Variants in MSRB3 observed in about 807,000 individuals in gnomAD.
MSRB3 encodes the protein methionine sulfoxide reductase B3.
MSRB3 carries 13 observed loss-of-function variants against 21.0 expected under a neutral mutation model. The observed-to-expected ratio is 0.62, with a 90% CI of 0.40 to 0.98. The LOEUF is 0.98. Ranked by LOEUF, MSRB3 falls within the 50% of genes least tolerant of loss-of-function variation. The pLI is 0.00. For synonymous variants in MSRB3, 87 were observed against 88.6 expected, an observed-to-expected ratio of 0.98 and a Z score of 0.10; for missense variants, 199 against 230.3, an observed-to-expected ratio of 0.86 and a Z score of 0.88.
intron 5 of MSRB3, among the ~76,000 whole-genome samples, chr12:65,400,209 T>G (rs1009109887): frequency 2.0e-5 from 3 of 151,986 alleles, no homozygotes; most frequent in African/African-American, 7.2e-5. Flanking sequence ...CTGGTAGAAT[T>G]CATCAGTGAA....
chr12:65,297,876 A>T (rs74099805), intron 1 of MSRB3, among the ~76,000 whole-genome samples: 6,316 of 152,178 alleles, frequency 0.042, 431 homozygotes, highest in African/African-American at 0.15. Context: ...AAAGGGATGT[A>T]TTTGAGCAGT....
At position 65,357,231 on chromosome 12, in the gene MSRB3, T is replaced by C. The variant is rs150637725; in HGVS notation, c.264-11767T>C. Among the ~76,000 whole-genome samples the C allele has an allele frequency of 3.5e-3, 528 of 151,906 alleles. 4 individuals are homozygous for C. Among genetic ancestry groups the C allele is most frequent in the African/African-American group, 0.012 (496 of 41,506 alleles). Reference sequence around the variant, plus strand: ...CCCATATCTAGTCTACCAATGCATTTTGCTCCACCTCCACGCACCTTCAAA... The same window carrying C: ...CCCATATCTAGTCTACCAATGCATTCTGCTCCACCTCCACGCACCTTCAAA... On this transcript the variant is annotated intron_variant, in intron 4 of 6. Coordinates refer to ENST00000308259, the MANE Select transcript of MSRB3 (RefSeq NM_001031679.3).
chr12:65,400,465 T>C (rs1324978751), intron 5 of MSRB3, among the ~76,000 whole-genome samples: 1 of 152,190 alleles, frequency 6.6e-6, no homozygotes, highest in African/African-American at 2.4e-5. Flanking sequence ...ATCCCCTTTA[T>C]CATTTTTTAT....
intron 2 of MSRB3, among the ~76,000 whole-genome samples, chr12:65,315,218 C>T (rs1017653679): frequency 2.6e-5 from 4 of 152,120 alleles, no homozygotes; most frequent in African/African-American, 9.7e-5. Flanking sequence ...GATAAATTAT[C>T]TGAAATTACC....
At chr12:65,386,748 C>T (rs2336715) in intron 5 of MSRB3, among the ~76,000 whole-genome samples, 99,158 of 151,622 alleles carry the variant, frequency 0.65, 32,539 homozygotes, top group Admixed American at 0.72. Flanking sequence ...TTTAAAGAAA[C>T]AGTATCATCT....
chr12:65,456,841 G>A (rs1883110333), intron 6 of MSRB3, among the ~76,000 whole-genome samples: 1 of 152,168 alleles, frequency 6.6e-6, no homozygotes, highest in African/African-American at 2.4e-5. Flanking sequence ...CCACACCCTT[G>A]CCCTTGTGGA....
At position 65,333,499 on chromosome 12, in the gene MSRB3, G is replaced by A. The variant is rs73318476; in HGVS notation, c.263+4896G>A. 8.8e-3 allele frequency among the ~76,000 whole-genome samples: 1,339 copies of A among 152,256 alleles called. 20 individuals carry two copies. The highest frequency in any genetic ancestry group is 0.031 in the African/African-American group (1,268 of 41,546). On this transcript the variant is annotated intron_variant, in intron 4 of 6. Transcript: ENST00000308259. The stretch of plus-strand genomic sequence containing the variant: ...ATAGAATCAAAAGTGGATTTTTCAA[G>A]GATATGGAACACTAGTCCAATAGGA...
chr12:65,323,728 C>T (rs1874839525), intron 2 of MSRB3, among the ~76,000 whole-genome samples: 1 of 152,032 alleles, frequency 6.6e-6, no homozygotes, highest in Admixed American at 6.5e-5. Context: ...AACAGTGGCA[C>T]CATATGACTT....
At chr12:65,427,902 AGCTCCAGTGTCTGAAAT>A (rs987823239) in intron 5 of MSRB3, among the ~76,000 whole-genome samples, 68 of 152,184 alleles carry the variant, frequency 4.5e-4, no homozygotes, top group African/African-American at 6.0e-4. Context: ...CTTGCTAGTA[AGCTCCAGTGTCTGAAAT>A]GCTCCAGTGT....
At chr12:65,279,074 C>T in intron 1 of MSRB3, 4 of 1,412,006 alleles carry the variant, frequency 2.8e-6, no homozygotes, top group Non-Finnish European at 3.7e-6. Context: ...GGAAGGAGGT[C>T]AGGGCTGGTT....
intron 2 of MSRB3, among the ~76,000 whole-genome samples, chr12:65,319,682 T>C (rs773583874): frequency 2.6e-5 from 4 of 152,208 alleles, no homozygotes; most frequent in Non-Finnish European, 5.9e-5. Flanking sequence ...AGATGTTTAA[T>C]AAATAGTTGT....
At chr12:65,369,987 A>G (rs1878229022) in intron 5 of MSRB3, among the ~76,000 whole-genome samples, 2 of 152,106 alleles carry the variant, frequency 1.3e-5, no homozygotes, top group Non-Finnish European at 2.9e-5. Context: ...TTTCTTCTTT[A>G]TAAGCCTTTT....
intron 1 of MSRB3, among the ~76,000 whole-genome samples, chr12:65,280,585 G>C (rs1431183289): frequency 6.6e-6 from 1 of 152,102 alleles, no homozygotes; most frequent in African/African-American, 2.4e-5. Context: ...TTTAATTCCG[G>C]TCCCAGCTGA....
intron 5 of MSRB3, among the ~76,000 whole-genome samples, chr12:65,372,730 A>AT (rs1316344912): frequency 1.3e-5 from 2 of 152,234 alleles, no homozygotes; most frequent in Non-Finnish European, 2.9e-5. Context: ...CAGGAGAAAC[A>AT]TGCTTTTGAA....
chr12:65,301,740 G>T (rs1873343399), intron 1 of MSRB3, among the ~76,000 whole-genome samples: 1 of 151,800 alleles, frequency 6.6e-6, no homozygotes, highest in Non-Finnish European at 1.5e-5. Context: ...GATAACAAAA[G>T]AATAAAACAT....
chr12:65,460,369 T>C (rs1883268884), intron 6 of MSRB3, among the ~76,000 whole-genome samples: 1 of 152,014 alleles, frequency 6.6e-6, no homozygotes, highest in Non-Finnish European at 1.5e-5. Flanking sequence ...GCTTGTGCGC[T>C]TTTCAAAGAA....
At chr12:65,345,385 G>A (rs1380019477) in intron 4 of MSRB3, among the ~76,000 whole-genome samples, 1 of 152,034 alleles carries the variant, frequency 6.6e-6, no homozygotes, top group African/African-American at 2.4e-5. Flanking sequence ...ATTAAAATAA[G>A]TCAAATGGTT....
intron 5 of MSRB3, among the ~76,000 whole-genome samples, chr12:65,438,834 C>A (rs1379593822): frequency 6.6e-6 from 1 of 151,306 alleles, no homozygotes; most frequent in Admixed American, 6.6e-5. Context: ...CACACACACA[C>A]AAAGGAAAAT....
Position 65,310,295 on chromosome 12 carries a change from A to G in MSRB3, c.76+1640A>G, listed in dbSNP as rs1035912574. Among the ~76,000 whole-genome samples the G allele has an allele frequency of 2.0e-5, 3 of 152,128 alleles. No homozygotes were observed. In the East Asian group the frequency reaches 5.8e-4, roughly 29 times the overall value. On this transcript the variant is annotated intron_variant, in intron 2 of 6. Coordinates refer to ENST00000308259, the MANE Select transcript of MSRB3 (RefSeq NM_001031679.3). Reference sequence around the variant, plus strand: ...AGTGTGAGGCTGGAATGACATGTGAAGTGCTGAAGACTTGACTGTGGCCAT... The same window carrying G: ...AGTGTGAGGCTGGAATGACATGTGAGGTGCTGAAGACTTGACTGTGGCCAT...
Sources: allele counts gnomAD v4.1 joint callset (sites outside exome capture counted in the v4.1 genomes callset), GRCh38; gene constraint gnomAD v4.1.1; transcripts MANE v1.5; gene names NCBI Gene and HGNC (gene_info 2026-07-23, HGNC 2026-07-21).